The following GABRA1 variants were observed in gnomAD, a reference collection of about 807,000 sequenced individuals.
The protein encoded by GABRA1 is gamma-aminobutyric acid receptor subunit alpha-1.
A neutral mutation model predicts 48.9 loss-of-function variants in GABRA1; 9 were observed. The observed-to-expected ratio is 0.18, with a 90% CI of 0.11 to 0.32. GABRA1 has a LOEUF of 0.32. Among genes scored for constraint, GABRA1 ranks in the 10% least tolerant of loss-of-function variants. The probability of loss-of-function intolerance (pLI) is 1.00; values close to 1 mark genes in which losing one functional copy is unlikely to be tolerated. For missense variants in GABRA1, 285 were observed against 553.8 expected, an observed-to-expected ratio of 0.51 and a Z score of 4.87; for synonymous variants, 210 against 198.7, an observed-to-expected ratio of 1.06 and a Z score of -0.48.
At chr5:161,897,022 C>G (rs1430064174) in intron 9 of GABRA1, 89 bp from the exon 10 acceptor site, 1 of 1,150,914 alleles carries the variant, frequency 8.7e-7, no homozygotes, top group East Asian at 2.3e-5. Context: ...CAGATTTAGG[C>G]TGCAAAATAA....
chr5:161,895,379 C>A (rs1349652523), intron 8 of GABRA1, among the ~76,000 whole-genome samples: 2 of 152,076 alleles, frequency 1.3e-5, no homozygotes, highest in Non-Finnish European at 2.9e-5. Flanking sequence ...CCAGGACACC[C>A]ATGTTCAAAG....
intron 4 of GABRA1, chr5:161,872,201 A>G (rs1045958779): frequency 1.3e-5 from 2 of 152,634 alleles, no homozygotes; most frequent in Non-Finnish European, 2.9e-5. Context: ...CAAACCATTG[A>G]GCTCCAAATT....
At chr5:161,895,923 T>C (rs909182753) in intron 9 of GABRA1, 55 bp downstream of exon 9, 1 of 1,457,766 alleles carries the variant, frequency 6.9e-7, no homozygotes, top group Non-Finnish European at 9.6e-7. Context: ...TTTAAACCTA[T>C]GAAATGAGAT....
At chr5:161,873,450 A>G (rs1754212250) in intron 5 of GABRA1, 113 bp downstream of exon 5, 2 of 860,038 alleles carry the variant, frequency 2.3e-6, no homozygotes, top group East Asian at 5.2e-5. Context: ...CTTGTTTTTC[A>G]ACCTTAACAA....
chr5:161,872,482 T>C (rs984873778), intron 4 of GABRA1, among the ~76,000 whole-genome samples: 4 of 152,044 alleles, frequency 2.6e-5, no homozygotes, highest in Admixed American at 2.0e-4. Flanking sequence ...TTGTTCTTTT[T>C]CTTTTTGAAA....
At chr5:161,863,545 G>A (rs995974248) in intron 3 of GABRA1, among the ~76,000 whole-genome samples, 2 of 152,022 alleles carry the variant, frequency 1.3e-5, no homozygotes, top group Non-Finnish European at 2.9e-5. Context: ...GATGGCCCAA[G>A]CCATTCATGG....
At chr5:161,896,489 A>C (rs1755373708) in intron 9 of GABRA1, among the ~76,000 whole-genome samples, 1 of 152,158 alleles carries the variant, frequency 6.6e-6, no homozygotes, top group South Asian at 2.1e-4. Context: ...AACCTATTAC[A>C]CAGTATGGAT....
chr5:161,870,328 G>A (rs1406531052), intron 4 of GABRA1, among the ~76,000 whole-genome samples: 4 of 152,160 alleles, frequency 2.6e-5, no homozygotes, highest in Non-Finnish European at 2.9e-5. Context: ...TTGGGAGGCC[G>A]AGGCGGGCGG....
chr5:161,896,356 A>T (rs1225969052), intron 9 of GABRA1, among the ~76,000 whole-genome samples: 1 of 152,210 alleles, frequency 6.6e-6, no homozygotes, highest in Non-Finnish European at 1.5e-5. Context: ...AGTCAAGGGC[A>T]GGCACATTTT....
At chr5:161,848,510 G>GA (rs1305690607) in intron 1 of GABRA1, 88 bp downstream of exon 1, 1 of 92,664 alleles carries the variant, frequency 1.1e-5, no homozygotes, top group Non-Finnish European at 2.0e-5. Context: ...ATAGTCGGGG[G>GA]GGGGGGGCGG....
chr5:161,847,314 T>A (rs991678411), upstream of GABRA1: 1 of 152,170 alleles, frequency 6.6e-6, no homozygotes, highest in Non-Finnish European at 1.5e-5. Flanking sequence ...GGCAAAGGAA[T>A]GATTCCGGAA....
chr5:161,855,706 T>C (rs1044957285), intron 3 of GABRA1, among the ~76,000 whole-genome samples: 2 of 151,364 alleles, frequency 1.3e-5, no homozygotes, highest in African/African-American at 4.8e-5. Flanking sequence ...GAGGAATGTA[T>C]GAAAAGAAGA....
At chr5:161,885,581 T>C (rs1351184647) in intron 7 of GABRA1, among the ~76,000 whole-genome samples, 1 of 152,130 alleles carries the variant, frequency 6.6e-6, no homozygotes, top group African/African-American at 2.4e-5. Context: ...TCAAAATACT[T>C]TCTAAATCAC....
At chr5:161,875,484 AATAACATTCC>A in intron 5 of GABRA1, 66 bp from the exon 6 acceptor site, 1 of 1,138,250 alleles carries the variant, frequency 8.8e-7, no homozygotes, top group Non-Finnish European at 1.3e-6. Flanking sequence ...TGCTACAGTT[AATAACATTCC>A]ACTTGTACTT....
chr5:161,871,653 T>C (rs1234161221), intron 4 of GABRA1, among the ~76,000 whole-genome samples: 1 of 152,186 alleles, frequency 6.6e-6, no homozygotes, highest in African/African-American at 2.4e-5. Context: ...CTTTGCTGAA[T>C]TTATTAGGTG....
chr5:161,897,090 C>T (rs1281330762), intron 9 of GABRA1, 21 bp from the exon 10 acceptor site: 2 of 1,611,876 alleles, frequency 1.2e-6, no homozygotes, highest in Admixed American at 1.7e-5. Flanking sequence ...AAACAAAATG[C>T]ATTGCTCTTT....
intron 5 of GABRA1, among the ~76,000 whole-genome samples, chr5:161,874,966 C>G (rs1346082715): frequency 6.6e-6 from 1 of 152,014 alleles, no homozygotes; most frequent in African/African-American, 2.4e-5. Flanking sequence ...AGAGTCCTAG[C>G]TTCAATTAGA....
intron 3 of GABRA1, among the ~76,000 whole-genome samples, chr5:161,859,313 C>G (rs1325345999): frequency 6.6e-6 from 1 of 151,608 alleles, no homozygotes; most frequent in Non-Finnish European, 1.5e-5. Context: ...ACCTTTAAGA[C>G]TAACCTTTAG....
intron 7 of GABRA1, among the ~76,000 whole-genome samples, chr5:161,887,781 A>G (rs764460988): frequency 6.6e-6 from 1 of 152,218 alleles, no homozygotes; most frequent in Non-Finnish European, 1.5e-5. Flanking sequence ...TGTGTTTTTA[A>G]TCTTCATACT....
Sources: allele counts gnomAD v4.1 joint callset (sites outside exome capture counted in the v4.1 genomes callset), GRCh38; gene constraint gnomAD v4.1.1; transcripts MANE v1.5; gene names NCBI Gene and HGNC (gene_info 2026-07-23, HGNC 2026-07-21).